ZNF540: variants seen among roughly 807,000 people sequenced by gnomAD.
ZNF540 encodes the protein CTD-3064H18.6.
ZNF540 carries 3 observed loss-of-function variants against 11.8 expected under a neutral mutation model. The observed-to-expected ratio is 0.25, with a 90% confidence interval of 0.12 to 0.65. The LOEUF is 0.65. ZNF540 is among the 30% of genes least tolerant of loss of function. The probability of loss-of-function intolerance (pLI) is 0.83; values close to 1 mark genes in which losing one functional copy is unlikely to be tolerated. For synonymous variants in ZNF540, 247 were observed against 259.0 expected (o/e 0.95, Z 0.45); for missense variants, 709 against 793.1 (o/e 0.89, Z 1.27).
intron 1 of ZNF540, among the ~76,000 whole-genome samples, chr19:37,589,642 C>A (rs2043804915): frequency 6.6e-6 from 1 of 151,884 alleles, no homozygotes; most frequent in African/African-American, 2.4e-5. Context: ...CAGATCTGGA[C>A]ATAATACAAA....
At chr19:37,566,497 ATAGGT>A (rs1412301552) in intron 1 of ZNF540, 2 of 555,312 alleles carry the variant, frequency 3.6e-6, no homozygotes, top group Non-Finnish European at 5.9e-6. Context: ...AATTAGAAAA[ATAGGT>A]TAAGTCAGTG....
At chr19:37,577,948 A>G (rs1475744920) in intron 1 of ZNF540, among the ~76,000 whole-genome samples, 1 of 152,206 alleles carries the variant, frequency 6.6e-6, no homozygotes, top group Non-Finnish European at 1.5e-5. Context: ...GCAGGAGGTG[A>G]GCAGTGGGCG....
intron 1 of ZNF540, among the ~76,000 whole-genome samples, chr19:37,553,291 C>A (rs914692288): frequency 4.0e-5 from 6 of 151,356 alleles, no homozygotes; most frequent in African/African-American, 7.3e-5. Context: ...CACCACCACG[C>A]CTGCCTAATT....
At position 37,612,346 on chromosome 19, in the gene ZNF540, G is replaced by C. The variant is rs1312355788; in HGVS notation, c.1066G>C (p.Glu356Gln). 1 of 1,613,944 alleles carries C rather than the reference G, an allele frequency of 6.2e-7. No homozygotes were observed. The highest frequency in any genetic ancestry group is 1.3e-5 in the African/African-American group (1 of 74,904). Reference protein sequence around the residue: ...QKIHTGVKPYECKECGKTFRL... With the variant: ...QKIHTGVKPYQCKECGKTFRL... Reference sequence around the variant, plus strand: ...AATTCATACTGGTGTAAAACCCTACGAATGTAAGGAATGTGGAAAGACCTT... The same window carrying C: ...AATTCATACTGGTGTAAAACCCTACCAATGTAAGGAATGTGGAAAGACCTT... The change falls in exon 5 of 5, where the codon GAA becomes CAA. Residue 356 changes from glutamate to glutamine, a missense_variant. By Grantham distance (29) the Glu-to-Gln change is conservative (BLOSUM62 2). Transcript: ENST00000316433.
chr19:37,564,364 G>A (rs1836204666), intron 1 of ZNF540: 1 of 363,322 alleles, frequency 2.8e-6, no homozygotes, highest in South Asian at 1.3e-4. Flanking sequence ...ATTTCAGTTA[G>A]GATATGGTGA....
chr19:37,558,179 TTTTG>T (rs1600441898), intron 1 of ZNF540, among the ~76,000 whole-genome samples: 2 of 152,180 alleles, frequency 1.3e-5, no homozygotes, highest in Non-Finnish European at 1.5e-5. Flanking sequence ...CCACTAAGAT[TTTTG>T]TTTGTCATTT....
At chr19:37,555,973 CTCGACAGCTAGTGTCAGGGTGA>C (rs2042654925) in intron 1 of ZNF540, 1 of 701,070 alleles carries the variant, frequency 1.4e-6, no homozygotes. Context: ...TGGTAAGTAT[CTCGACAGCTAGTGTCAGGGTGA>C]TTCCCAGGAC....
chr19:37,566,098 G>T (rs1568342198), intron 1 of ZNF540: 1 of 1,613,976 alleles, frequency 6.2e-7, no homozygotes, highest in East Asian at 2.2e-5. Context: ...AGGTAATTTT[G>T]ACACACATGT....
intron 1 of ZNF540, among the ~76,000 whole-genome samples, chr19:37,574,426 ATTT>A (rs899396780): frequency 6.6e-6 from 1 of 152,110 alleles, no homozygotes; most frequent in African/African-American, 2.4e-5. Flanking sequence ...TTTTCACTAA[ATTT>A]TTTTATCTCC....
intron 1 of ZNF540, among the ~76,000 whole-genome samples, chr19:37,578,357 TGA>T (rs2043319066): frequency 2.0e-5 from 3 of 152,056 alleles, no homozygotes; most frequent in South Asian, 4.2e-4. Context: ...GGTGAAACGG[TGA>T]GAGAGTGAGA....
At chr19:37,596,821 T>C (rs550569266) in intron 1 of ZNF540, among the ~76,000 whole-genome samples, 2 of 152,366 alleles carry the variant, frequency 1.3e-5, no homozygotes, top group East Asian at 1.9e-4. Context: ...GTCTATTCAA[T>C]GTTCCCGTGT....
chr19:37,593,520 G>A (rs1191614705), upstream of ZNF540, among the ~76,000 whole-genome samples: 1 of 152,128 alleles, frequency 6.6e-6, no homozygotes, highest in Non-Finnish European at 1.5e-5. Context: ...TGGCTAACAC[G>A]GTGAAACCTC....
chr19:37,557,952 A>G (rs545244633), intron 1 of ZNF540, among the ~76,000 whole-genome samples: 10 of 152,234 alleles, frequency 6.6e-5, no homozygotes, highest in African/African-American at 1.9e-4. Context: ...TCTTAGATAA[A>G]TAGGCTACTG....
intron 1 of ZNF540, among the ~76,000 whole-genome samples, chr19:37,576,889 G>A (rs1041361380): frequency 6.6e-6 from 1 of 151,946 alleles, no homozygotes; most frequent in African/African-American, 2.4e-5. Flanking sequence ...AAACACAAAG[G>A]ACTTGGCAGT....
At chr19:37,610,439 A>G (rs1335636580) in intron 4 of ZNF540, among the ~76,000 whole-genome samples, 1 of 152,218 alleles carries the variant, frequency 6.6e-6, no homozygotes, top group Non-Finnish European at 1.5e-5. Flanking sequence ...GAAAATTGTG[A>G]AATGAAGAAA....
chr19:37,599,613 T>C lies in ZNF540; in HGVS notation c.10-13T>C. The C allele has an allele frequency of 6.2e-7, 1 of 1,613,914 alleles. No homozygotes were observed. The highest frequency in any genetic ancestry group is 8.5e-7 in the Non-Finnish European group (1 of 1,179,912). ...TGTAATTTCACCAGTAATATGTTGGTTTATGGTTTCAGGCATTGGTGACGT... is the reference window on the plus strand; with the variant it reads ...TGTAATTTCACCAGTAATATGTTGGCTTATGGTTTCAGGCATTGGTGACGT... On this transcript the variant is annotated splice_polypyrimidine_tract_variant and intron_variant, in intron 2 of 4. Transcript: ENST00000316433.
At chr19:37,593,066 A>C (rs11083428), upstream of ZNF540, among the ~76,000 whole-genome samples, 26,151 of 152,162 alleles carry the variant, frequency 0.17, 2,508 homozygotes, top group Middle Eastern at 0.29. Context: ...ATTATGAAAT[A>C]ACCACCACGC....
At chr19:37,591,349 GA>G (rs1432986269), upstream of ZNF540, among the ~76,000 whole-genome samples, 11 of 152,120 alleles carry the variant, frequency 7.2e-5, no homozygotes, top group Admixed American at 4.6e-4. Flanking sequence ...GAACTGCCTG[GA>G]AAGGACTACC....
chr19:37,560,151 G>A (rs1392386623), intron 1 of ZNF540, among the ~76,000 whole-genome samples: 1 of 151,762 alleles, frequency 6.6e-6, no homozygotes, highest in Non-Finnish European at 1.5e-5. Flanking sequence ...GGTGGCAGGC[G>A]CCTGTAATAC....
Sources: allele counts gnomAD v4.1 joint callset (sites outside exome capture counted in the v4.1 genomes callset), GRCh38; gene constraint gnomAD v4.1.1; transcripts MANE v1.5; gene names NCBI Gene and HGNC (gene_info 2026-07-23, HGNC 2026-07-21).